The following NPIPB11 variants were observed in gnomAD, a reference collection of about 807,000 sequenced individuals.
NPIPB11 encodes nuclear pore complex interacting protein family member B11.
NPIPB11 carries 17 observed loss-of-function variants against 32.8 expected under a neutral mutation model. That is an observed-to-expected ratio of 0.52 (90% CI 0.35 to 0.78). The LOEUF is 0.78. NPIPB11 is among the 30% of genes least tolerant of loss of function. NPIPB11 has a pLI of 0.01. For synonymous variants in NPIPB11, 209 were observed against 398.4 expected (o/e 0.52, Z 5.66); for missense variants, 537 against 1,000.4 (o/e 0.54, Z 6.25).
intron 3 of NPIPB11, 129 bp from the exon 4 acceptor site, chr16:29,390,477 A>G: frequency 5.7e-6 from 8 of 1,415,618 alleles, no homozygotes; most frequent in Non-Finnish European, 7.8e-6. Context: ...AGATGGTGAA[A>G]CCCCATCTCT....
chr16:29,406,500 C>G (rs557903731), upstream of NPIPB11, among the ~76,000 whole-genome samples: 17 of 152,324 alleles, frequency 1.1e-4, no homozygotes, highest in East Asian at 1.9e-4. Flanking sequence ...GGTGGATCAC[C>G]TGAGGTCGGG....
chr16:29,390,873 T>G lies in NPIPB11; in HGVS notation c.250-525A>C, dbSNP rs371058945. Among the ~76,000 whole-genome samples the G allele has an allele frequency of 2.0e-4, 28 of 142,800 alleles. 1 individual carries two copies. The highest frequency in any genetic ancestry group is 4.2e-3 in the Middle Eastern group (1 of 240). The allele number at this position is 142,800 out of a possible 152,430, so 93.7% of individuals were successfully genotyped here. A position where few individuals can be genotyped will look rare whatever the true frequency, so the allele number is the denominator to read the frequency against. On this transcript the variant is annotated intron_variant, in intron 3 of 7. Transcript: ENST00000524087. ...AGCTAGTCGGGAGGTTGAGGCAGGA[T>G]AATCACTTGAACCCAGCAGGAAAAG...
chr16:29,390,173 T>G, intron 4 of NPIPB11, 37 bp from the exon 5 acceptor site: 1 of 1,428,724 alleles, frequency 7.0e-7, no homozygotes, highest in Non-Finnish European at 9.7e-7. Context: ...GTGAGAAACC[T>G]GAGGGCAAGA....
chr16:29,390,448 A>G (rs1239625160), intron 3 of NPIPB11, 100 bp from the exon 4 acceptor site: 1 of 1,568,094 alleles, frequency 6.4e-7, no homozygotes, highest in Non-Finnish European at 8.7e-7. Flanking sequence ...CGGGGTCAGG[A>G]GCAAGACCAG....
intron 2 of NPIPB11, among the ~76,000 whole-genome samples, chr16:29,395,804 C>G (rs1280792318): frequency 6.7e-6 from 1 of 149,312 alleles, no homozygotes; most frequent in Non-Finnish European, 1.5e-5. Context: ...ACGGTGAAAC[C>G]CATCTCTACT....
At position 29,401,095 on chromosome 16, in the gene NPIPB11, G is replaced by A. The variant is rs1963979205; in HGVS notation, c.120+2588C>T. Among the ~76,000 whole-genome samples the A allele has an allele frequency of 3.9e-5, 6 of 152,114 alleles. 1 individual carries two copies. In the South Asian group the frequency reaches 1.2e-3, roughly 32 times the overall value. On this transcript the variant is annotated intron_variant, in intron 2 of 7. Transcript: ENST00000524087. ...TCAGGCCCCACGATGTTTTGGGAGA[G>A]TGTTTAGCACAATACATGCACGACA...
chr16:29,405,410 T>G (rs2142143613), upstream of NPIPB11, among the ~76,000 whole-genome samples: 1 of 152,236 alleles, frequency 6.6e-6, no homozygotes, highest in South Asian at 2.1e-4. Context: ...CTGACAGGAT[T>G]CCTCTCTTAT....
chr16:29,392,049 A>G lies in NPIPB11; in HGVS notation c.250-1701T>C, dbSNP rs1052646774. ...AATAATCTTTCAAATTCTTTGTAGAATTTGTTTTTTCCTGATTTCTGCACA... is the reference window on the plus strand; with the variant it reads ...AATAATCTTTCAAATTCTTTGTAGAGTTTGTTTTTTCCTGATTTCTGCACA... On this transcript the variant is annotated intron_variant, in intron 3 of 7. Transcript: ENST00000524087. 9.2e-5 allele frequency among the ~76,000 whole-genome samples: 14 copies of G among 152,102 alleles called. 1 individual carries two copies. Among genetic ancestry groups the G allele is most frequent in the African/African-American group, 3.4e-4 (14 of 41,474 alleles).
chr16:29,402,827 A>T (rs1299246534), intron 2 of NPIPB11, among the ~76,000 whole-genome samples: 2 of 141,034 alleles, frequency 1.4e-5, no homozygotes, highest in Non-Finnish European at 3.0e-5. Flanking sequence ...AAAAGACAAG[A>T]TAATGTTCAA....
intron 2 of NPIPB11, among the ~76,000 whole-genome samples, chr16:29,400,884 T>C (rs1236744190): frequency 6.6e-6 from 1 of 152,020 alleles, no homozygotes; most frequent in African/African-American, 2.4e-5. Flanking sequence ...AGTCACCAAG[T>C]CTGGCTGACC....
intron 2 of NPIPB11, among the ~76,000 whole-genome samples, chr16:29,394,734 TTTTTTG>T (rs1235801848): frequency 2.7e-5 from 4 of 148,162 alleles, no homozygotes; most frequent in Admixed American, 1.4e-4. Context: ...GCCCAGCCAT[TTTTTTG>T]TTTTTGTTTT....
intron 2 of NPIPB11, among the ~76,000 whole-genome samples, chr16:29,399,890 A>G (rs1428335397): frequency 2.0e-5 from 3 of 152,000 alleles, no homozygotes; most frequent in African/African-American, 7.3e-5. Context: ...CAGCCTGACC[A>G]ACATGGTGAA....
At chr16:29,390,442 G>T in intron 3 of NPIPB11, 94 bp from the exon 4 acceptor site, 9 of 1,583,722 alleles carry the variant, frequency 5.7e-6, no homozygotes, top group Non-Finnish European at 7.7e-6. Flanking sequence ...GGATCACGGG[G>T]TCAGGAGCAA....
At chr16:29,398,886 A>T (rs1307197349) in intron 2 of NPIPB11, among the ~76,000 whole-genome samples, 3 of 151,828 alleles carry the variant, frequency 2.0e-5, no homozygotes, top group Non-Finnish European at 4.4e-5. Flanking sequence ...TCCGAAACCG[A>T]GTGATGATGT....
At chr16:29,389,255 C>T (rs1963648127) in intron 5 of NPIPB11, among the ~76,000 whole-genome samples, 2 of 148,412 alleles carry the variant, frequency 1.3e-5, no homozygotes, top group South Asian at 4.3e-4. Context: ...ATCCAAGCTA[C>T]TCGGGAGGCT....
chr16:29,399,975 A>G (rs4017096), intron 2 of NPIPB11, among the ~76,000 whole-genome samples: 69 of 150,318 alleles, frequency 4.6e-4, no homozygotes, highest in African/African-American at 1.3e-3. Flanking sequence ...TACTCAGGAG[A>G]CTGAGGCAGG....
intron 2 of NPIPB11, 74 bp from the exon 3 acceptor site, chr16:29,394,150 T>C: frequency 1.3e-6 from 2 of 1,532,158 alleles, no homozygotes; most frequent in Non-Finnish European, 8.8e-7. Context: ...GAATCATCCT[T>C]AGAAACCGTC....
chr16:29,390,630 C>A (rs9923851), intron 3 of NPIPB11, among the ~76,000 whole-genome samples: 1 of 139,976 alleles, frequency 7.1e-6, no homozygotes, highest in Non-Finnish European at 1.6e-5. Context: ...CCAGCCTGAG[C>A]GACAGAATGA....
upstream of NPIPB11, among the ~76,000 whole-genome samples, chr16:29,406,508 G>A (rs543271175): frequency 9.5e-4 from 144 of 152,260 alleles, no homozygotes; most frequent in African/African-American, 3.2e-3. Context: ...ACCTGAGGTC[G>A]GGAGTTCCAG....
Sources: allele counts gnomAD v4.1 joint callset (sites outside exome capture counted in the v4.1 genomes callset), GRCh38; gene constraint gnomAD v4.1.1; transcripts MANE v1.5; gene names NCBI Gene and HGNC (gene_info 2026-07-23, HGNC 2026-07-21).